VPS54: variants seen among roughly 807,000 people sequenced by gnomAD.
The protein encoded by VPS54 is VPS54 subunit of GARP complex, also known as vacuolar protein sorting-associated protein 54.
Under a neutral mutation model 121.5 loss-of-function variants are expected in VPS54, and 45 were observed. The observed-to-expected ratio is 0.37, with a 90% CI of 0.29 to 0.47. VPS54 has a LOEUF of 0.47. Ranked by LOEUF, VPS54 falls within the 20% of genes least tolerant of loss-of-function variation. The pLI is 0.99. For synonymous variants in VPS54, 371 were observed against 385.8 expected (o/e 0.96, Z 0.45); for missense variants, 1,090 against 1,131.4 (o/e 0.96, Z 0.52).
rs1419052497 is a variant in VPS54, at chr2:63,940,338, T to C, written c.1398+2127A>G. 3.3e-5 allele frequency among the ~76,000 whole-genome samples: 5 copies of C among 152,226 alleles called. No individual in the cohort carries two copies. In the East Asian group the frequency reaches 9.6e-4, roughly 29 times the overall value. ...AAAAAGTACCATATTTCATGTCATC[T>C]GTAAAGATGTTGTACATAAGTACTA... On this transcript the variant is annotated intron_variant, in intron 11 of 22. Coordinates refer to ENST00000272322, the MANE Select transcript of VPS54 (RefSeq NM_016516.3).
intron 1 of VPS54, among the ~76,000 whole-genome samples, chr2:63,993,491 G>T (rs777531364): frequency 3.3e-5 from 5 of 152,120 alleles, no homozygotes; most frequent in Non-Finnish European, 5.9e-5. Context: ...TAATGATTTA[G>T]CGGAGTGGTG....
At chr2:63,921,569 C>A (rs1673648100) in intron 12 of VPS54, among the ~76,000 whole-genome samples, 2 of 152,050 alleles carry the variant, frequency 1.3e-5, no homozygotes, top group Admixed American at 1.3e-4. Flanking sequence ...GCTCTGTCAC[C>A]CAGGCTGGAG....
At chr2:63,942,402 T>A in intron 11 of VPS54, 63 bp downstream of exon 11, 1 of 1,131,986 alleles carries the variant, frequency 8.8e-7, no homozygotes, top group Non-Finnish European at 1.2e-6. Context: ...ATTTACATAT[T>A]ATGTATCTAG....
At chr2:63,925,169 T>G (rs1185678959) in intron 12 of VPS54, among the ~76,000 whole-genome samples, 1 of 152,170 alleles carries the variant, frequency 6.6e-6, no homozygotes, top group African/African-American at 2.4e-5. Context: ...AAAAGGTTTG[T>G]GCTGACATAA....
intron 5 of VPS54, among the ~76,000 whole-genome samples, chr2:63,968,278 A>T (rs753745251): frequency 9.2e-5 from 14 of 152,172 alleles, no homozygotes; most frequent in Non-Finnish European, 1.8e-4. Flanking sequence ...ATGATCAGCA[A>T]AATTTTTTTA....
chr2:63,968,444 G>C (rs1676113730), intron 5 of VPS54, among the ~76,000 whole-genome samples: 1 of 151,604 alleles, frequency 6.6e-6, no homozygotes, highest in Non-Finnish European at 1.5e-5. Context: ...AGGCATGGTG[G>C]CTCACACCTG....
intron 20 of VPS54, among the ~76,000 whole-genome samples, chr2:63,908,829 G>A (rs896429202): frequency 3.3e-5 from 5 of 152,174 alleles, no homozygotes; most frequent in African/African-American, 1.2e-4. Context: ...CCTCTTTAGA[G>A]GCAGAAACTG....
At chr2:63,937,413 T>C (rs529560670) in intron 11 of VPS54, among the ~76,000 whole-genome samples, 1 of 152,200 alleles carries the variant, frequency 6.6e-6, no homozygotes, top group African/African-American at 2.4e-5. Flanking sequence ...CACTCATCAT[T>C]AGAAAAATGT....
rs1332380556 is a variant in VPS54, at chr2:64,019,292, C to T, written c.-375G>A. Among the ~76,000 whole-genome samples, 1 of 150,612 alleles carries T rather than the reference C, an allele frequency of 6.6e-6. No homozygotes were observed. Among genetic ancestry groups the T allele is most frequent in the East Asian group, 1.9e-4 (1 of 5,174 alleles). On this transcript the variant is annotated 5_prime_UTR_variant, in exon 1 of 23. Coordinates refer to ENST00000272322, the MANE Select transcript of VPS54 (RefSeq NM_016516.3). ...CGGCCTCCAGGGGAGCCGCCGCCGC[C>T]GCGCCACGACCACTGCCTCTAGCGC... is the stretch of plus-strand genomic sequence containing the variant.
chr2:63,989,985 C>T (rs905726243), intron 1 of VPS54, among the ~76,000 whole-genome samples: 2 of 152,196 alleles, frequency 1.3e-5, no homozygotes, highest in African/African-American at 4.8e-5. Context: ...AGTATGGGAT[C>T]GTGTTGGTGC....
At chr2:64,006,901 G>T (rs181474211) in intron 1 of VPS54, among the ~76,000 whole-genome samples, 1 of 152,290 alleles carries the variant, frequency 6.6e-6, no homozygotes, top group Non-Finnish European at 1.5e-5. Context: ...TTACAGGCGT[G>T]AGCCACCACG....
intron 5 of VPS54, 83 bp downstream of exon 5, chr2:63,968,874 A>AT: frequency 7.7e-7 from 1 of 1,291,374 alleles, no homozygotes; most frequent in Non-Finnish European, 1.1e-6. Flanking sequence ...AAAAAAAAAA[A>AT]AAAGCCAAAT....
At chr2:63,903,071 C>T (rs1265302137) in intron 20 of VPS54, among the ~76,000 whole-genome samples, 1 of 151,932 alleles carries the variant, frequency 6.6e-6, no homozygotes, top group African/African-American at 2.4e-5. Flanking sequence ...ACCGAAATCT[C>T]AAGAGAGAAA....
At chr2:64,014,167 C>G (rs1469162126) in intron 1 of VPS54, among the ~76,000 whole-genome samples, 1 of 152,168 alleles carries the variant, frequency 6.6e-6, no homozygotes. Context: ...ATTCTCACAT[C>G]TGAAGAATAA....
At chr2:63,979,502 A>G (rs1167406867) in intron 3 of VPS54, among the ~76,000 whole-genome samples, 1 of 152,008 alleles carries the variant, frequency 6.6e-6, no homozygotes, top group African/African-American at 2.4e-5. Context: ...TGGCCTCCCA[A>G]AGTGCTGGGA....
At chr2:64,002,725 T>C (rs1046907740) in intron 1 of VPS54, among the ~76,000 whole-genome samples, 12 of 152,344 alleles carry the variant, frequency 7.9e-5, no homozygotes, top group African/African-American at 2.2e-4. Flanking sequence ...TTTAAAGATT[T>C]TGACTTGGAA....
intron 17 of VPS54, among the ~76,000 whole-genome samples, chr2:63,913,611 C>T (rs1334038629): frequency 6.6e-6 from 1 of 151,958 alleles, no homozygotes; most frequent in Admixed American, 6.6e-5. Flanking sequence ...GTTGGGAAGT[C>T]CTATTTTCAA....
chr2:63,965,017 T>C (rs544035877), intron 6 of VPS54, among the ~76,000 whole-genome samples: 1 of 152,302 alleles, frequency 6.6e-6, no homozygotes, highest in South Asian at 2.1e-4. Flanking sequence ...AAAGAACTGC[T>C]GACTAGTAAC....
chr2:63,935,337 G>GATA (rs1674402712), intron 11 of VPS54, among the ~76,000 whole-genome samples: 1 of 152,090 alleles, frequency 6.6e-6, no homozygotes, highest in South Asian at 2.1e-4. Flanking sequence ...AAGAGCTTTA[G>GATA]GACCAAAGTG....
Sources: gnomAD v4.1 joint callset for allele counts (sites outside exome capture counted in the v4.1 genomes callset) on GRCh38, gnomAD v4.1.1 for gene constraint, MANE v1.5 for transcripts, NCBI Gene and HGNC (gene_info 2026-07-23, HGNC 2026-07-21) for gene names.